Variants in RXYLT1 observed in about 807,000 individuals in gnomAD.
RXYLT1 encodes the protein ribitol xylosyltransferase 1.
RXYLT1 carries 41 observed loss-of-function variants against 43.5 expected under a neutral mutation model. The observed-to-expected ratio is 0.94, with a 90% CI of 0.73 to 1.22. The LOEUF (loss-of-function observed/expected upper bound fraction) is 1.22, where lower values mean the gene tolerates loss of function less well. Ranked by LOEUF, RXYLT1 falls within the 50% of genes most tolerant of loss-of-function variation. The probability of loss-of-function intolerance (pLI) is 0.00; values close to 1 mark genes in which losing one functional copy is unlikely to be tolerated. For synonymous variants in RXYLT1, 166 were observed against 194.4 expected (o/e 0.85, Z 1.21); for missense variants, 514 against 532.0 (o/e 0.97, Z 0.33).
rs763579072 is a variant in RXYLT1 at position 63,803,181 on chromosome 12, C to CAAAAA, written c.743+802_743+806dup. On this transcript the variant is annotated intron_variant, in intron 4 of 5. Transcript: ENST00000261234. ...ACAGAGTGAGATGAGACTGTCTCAC[C>CAAAAA]AAAAAAAAAAAAAAAAAAAAAAAAA... Among the ~76,000 whole-genome samples the CAAAAA allele has an allele frequency of 2.6e-3, 59 of 22,584 alleles. 1 individual carries two copies. The highest frequency in any genetic ancestry group is 2.9e-3 in the African/African-American group (19 of 6,458). The allele number at this position is 22,584 out of a possible 152,430, so 14.8% of individuals were successfully genotyped here. A position where few individuals can be genotyped will look rare whatever the true frequency, so the allele number is the denominator to read the frequency against.
At chr12:63,791,226 A>G (rs1897914376) in intron 3 of RXYLT1, among the ~76,000 whole-genome samples, 1 of 152,082 alleles carries the variant, frequency 6.6e-6, no homozygotes, top group Non-Finnish European at 1.5e-5. Flanking sequence ...TTTATTTTTA[A>G]TTTCTTAAGA....
chr12:63,795,214 A>G lies in RXYLT1; in HGVS notation c.429-6877A>G, dbSNP rs556935260. ...AGGATAGCTTGAGCCTGGGAGGTCA[A>G]GGCTGCAAGTGAGCTGTGATCACGT... is the stretch of plus-strand genomic sequence containing the variant. On this transcript the variant is annotated intron_variant, in intron 3 of 5. Transcript: ENST00000261234. 3.9e-5 allele frequency among the ~76,000 whole-genome samples: 6 copies of G among 152,158 alleles called. No homozygotes were observed. The South Asian group carries it at 1.0e-3, about 26-fold the overall frequency.
At chr12:63,786,751 A>T in intron 3 of RXYLT1, among the ~76,000 whole-genome samples, 1 of 152,218 alleles carries the variant, frequency 6.6e-6, no homozygotes, top group East Asian at 1.9e-4. Context: ...CTTCCTTCAC[A>T]AAAGTTTTCT....
rs192104606 is a variant in RXYLT1, at chr12:63,786,717, T to C, written c.428+1645T>C. ...ACAATTTCTTAAAATAAGACAACAATGAAGTTTGCCACATCAGTTGACTCT... is the reference window on the plus strand; with the variant it reads ...ACAATTTCTTAAAATAAGACAACAACGAAGTTTGCCACATCAGTTGACTCT... On this transcript the variant is annotated intron_variant, in intron 3 of 5. Transcript: ENST00000261234. Among the ~76,000 whole-genome samples, 4 of 152,258 alleles carry C rather than the reference T, an allele frequency of 2.6e-5. No homozygotes were observed. The East Asian group carries it at 7.7e-4, about 29-fold the overall frequency.
intron 2 of RXYLT1, among the ~76,000 whole-genome samples, chr12:63,783,334 GC>G (rs1445494978): frequency 2.0e-5 from 3 of 152,098 alleles, no homozygotes; most frequent in African/African-American, 7.2e-5. Flanking sequence ...TGTGGCACGT[GC>G]CTGTAATCCC....
intron 3 of RXYLT1, among the ~76,000 whole-genome samples, chr12:63,785,609 A>G (rs1402954205): frequency 6.6e-6 from 1 of 152,086 alleles, no homozygotes; most frequent in Non-Finnish European, 1.5e-5. Flanking sequence ...GCCTTTTTAT[A>G]TAACTCTTTT....
At chr12:63,799,266 C>T (rs997897667) in intron 3 of RXYLT1, among the ~76,000 whole-genome samples, 1 of 149,644 alleles carries the variant, frequency 6.7e-6, no homozygotes, top group African/African-American at 2.4e-5. Context: ...TATTTTAATA[C>T]ATTGACTAAA....
intron 3 of RXYLT1, among the ~76,000 whole-genome samples, chr12:63,798,705 G>A (rs1194472808): frequency 2.0e-5 from 3 of 152,178 alleles, no homozygotes; most frequent in Non-Finnish European, 4.4e-5. Flanking sequence ...GTGAAGCTGG[G>A]TTTTCCATGG....
At chr12:63,781,833 G>C (rs1897690552) in intron 2 of RXYLT1, among the ~76,000 whole-genome samples, 2 of 152,080 alleles carry the variant, frequency 1.3e-5, no homozygotes, top group Non-Finnish European at 2.9e-5. Flanking sequence ...AACATGAGTT[G>C]GGTTTATGTA....
chr12:63,802,586 A>T (rs1177104780), intron 4 of RXYLT1, among the ~76,000 whole-genome samples, 181 bp downstream of exon 4: 1 of 152,182 alleles, frequency 6.6e-6, no homozygotes, highest in Non-Finnish European at 1.5e-5. Context: ...TGATGTTTTT[A>T]AGAGTATTTT....
intron 3 of RXYLT1, among the ~76,000 whole-genome samples, chr12:63,789,501 C>G (rs1897876487): frequency 6.6e-6 from 1 of 152,144 alleles, no homozygotes; most frequent in African/African-American, 2.4e-5. Flanking sequence ...AACCATATCA[C>G]CATCTCATAG....
Position 63,781,129 on chromosome 12 carries a change from G to C in RXYLT1, c.280G>C (p.Gly94Arg). ...SLQILDKSTK[G>R]KTDLSVQIWG... ...TCAAATATTAGATAAATCCACGAAA[G>C]GAAAAACAGATCTCAGTGTACAAAT... is the stretch of plus-strand genomic sequence containing the variant. Residue 94 changes from glycine to arginine, a missense_variant, in exon 2 of 6, where the codon GGA (glycine) becomes CGA (arginine). Physicochemically the swap from Gly to Arg is moderately radical, Grantham distance 125. Coordinates refer to ENST00000261234, the MANE Select transcript of RXYLT1 (RefSeq NM_014254.3). 6.2e-7 allele frequency: 1 copy of C among 1,605,430 alleles called. No individual in the cohort carries two copies. The highest frequency in any genetic ancestry group is 8.5e-7 in the Non-Finnish European group (1 of 1,176,702).
At chr12:63,788,741 G>C (rs1401575983) in intron 3 of RXYLT1, among the ~76,000 whole-genome samples, 2 of 152,202 alleles carry the variant, frequency 1.3e-5, no homozygotes, top group Non-Finnish European at 2.9e-5. Context: ...TGAGCAATAA[G>C]ACTATTTCAC....
At chr12:63,802,872 A>G (rs1898194861) in intron 4 of RXYLT1, among the ~76,000 whole-genome samples, 1 of 152,066 alleles carries the variant, frequency 6.6e-6, no homozygotes, top group African/African-American at 2.4e-5. Context: ...AGGTTTCTCA[A>G]GATACAGTCT....
chr12:63,808,321 C>T, intron 5 of RXYLT1: 1 of 263,046 alleles, frequency 3.8e-6, no homozygotes, highest in Non-Finnish European at 7.1e-6. Flanking sequence ...AATTTACTGA[C>T]TTCACTTGGT....
intron 2 of RXYLT1, among the ~76,000 whole-genome samples, chr12:63,783,232 C>T (rs1565899040): frequency 6.6e-6 from 1 of 152,092 alleles, no homozygotes; most frequent in Admixed American, 6.5e-5. Context: ...AGGCTGAGGC[C>T]GGTGGATCAC....
intron 3 of RXYLT1, among the ~76,000 whole-genome samples, chr12:63,788,993 A>G (rs1897864311): frequency 6.6e-6 from 1 of 152,162 alleles, no homozygotes; most frequent in Non-Finnish European, 1.5e-5. Flanking sequence ...AGCAGCCTGA[A>G]GCCATGGCTT....
At chr12:63,794,580 C>T (rs1897986831) in intron 3 of RXYLT1, among the ~76,000 whole-genome samples, 2 of 152,096 alleles carry the variant, frequency 1.3e-5, no homozygotes, top group South Asian at 4.1e-4. Context: ...AAACTAATAG[C>T]TGAAGGGGGT....
chr12:63,789,768 C>T (rs749716549), intron 3 of RXYLT1, among the ~76,000 whole-genome samples: 3 of 151,960 alleles, frequency 2.0e-5, no homozygotes, highest in Non-Finnish European at 4.4e-5. Flanking sequence ...TGAAAAGTAG[C>T]GTACATAATT....
Sources: gnomAD v4.1 joint callset for allele counts (sites outside exome capture counted in the v4.1 genomes callset) on GRCh38, gnomAD v4.1.1 for gene constraint, MANE v1.5 for transcripts, NCBI Gene and HGNC (gene_info 2026-07-23, HGNC 2026-07-21) for gene names.